Variants in DPP10 observed in about 807,000 individuals in gnomAD.
The protein encoded by DPP10 is dipeptidyl peptidase like 10.
A neutral mutation model predicts 120.9 loss-of-function variants in DPP10; 33 were observed. The ratio of observed to expected loss-of-function variants is 0.27; its 90% CI spans 0.21 to 0.37. The LOEUF (loss-of-function observed/expected upper bound fraction) is 0.37, where lower values mean the gene tolerates loss of function less well. Ranked by LOEUF, DPP10 falls within the 10% of genes least tolerant of loss-of-function variation. DPP10 has a pLI of 1.00. For synonymous variants in DPP10, 337 were observed against 326.1 expected (o/e 1.03, Z -0.36); for missense variants, 816 against 942.8 (o/e 0.87, Z 1.76).
intron 1 of DPP10, among the ~76,000 whole-genome samples, chr2:115,098,932 T>G (rs1369601328): frequency 6.6e-6 from 1 of 152,108 alleles, no homozygotes; most frequent in African/African-American, 2.4e-5. Flanking sequence ...CCTTACCTGT[T>G]TCTCTTGTCC....
intron 1 of DPP10, among the ~76,000 whole-genome samples, chr2:115,176,288 ATATT>A (rs1412868346): frequency 2.0e-5 from 3 of 147,780 alleles, no homozygotes; most frequent in East Asian, 1.9e-4. Context: ...AAATTTAAAT[ATATT>A]TATATATAAA....
chr2:115,045,161 A>G (rs1456111049), intron 1 of DPP10, among the ~76,000 whole-genome samples: 1 of 152,182 alleles, frequency 6.6e-6, no homozygotes, highest in African/African-American at 2.4e-5. Context: ...ATTATATAGT[A>G]GTTCTATTTT....
intron 1 of DPP10, among the ~76,000 whole-genome samples, chr2:114,461,425 A>C (rs1346102424): frequency 6.6e-6 from 1 of 152,120 alleles, no homozygotes; most frequent in Non-Finnish European, 1.5e-5. Flanking sequence ...ACCAGGAGAG[A>C]ACAATTTTGT....
chr2:114,529,231 T>A (rs1418119952), intron 1 of DPP10, among the ~76,000 whole-genome samples: 1 of 152,174 alleles, frequency 6.6e-6, no homozygotes, highest in Non-Finnish European at 1.5e-5. Flanking sequence ...CATATCTGTG[T>A]TAGTGACTCC....
intron 1 of DPP10, among the ~76,000 whole-genome samples, chr2:114,667,009 A>G (rs1697974881): frequency 6.6e-6 from 1 of 152,180 alleles, no homozygotes; most frequent in African/African-American, 2.4e-5. Context: ...AGTAATTGGT[A>G]ATTTCTTTAC....
chr2:115,589,066 CTTGACCAGTGT>C, intron 5 of DPP10, among the ~76,000 whole-genome samples: 1 of 152,252 alleles, frequency 6.6e-6, no homozygotes, highest in East Asian at 1.9e-4. Context: ...CATTCATTCA[CTTGACCAGTGT>C]TCGTTTTATG....
chr2:114,926,602 C>T (rs1181126177), intron 1 of DPP10, among the ~76,000 whole-genome samples: 1 of 152,158 alleles, frequency 6.6e-6, no homozygotes, highest in Non-Finnish European at 1.5e-5. Context: ...TCCCATACTA[C>T]AAAAGAGTGA....
At chr2:115,591,520 G>A (rs551017030) in intron 5 of DPP10, among the ~76,000 whole-genome samples, 16 of 152,266 alleles carry the variant, frequency 1.1e-4, no homozygotes, top group Non-Finnish European at 2.2e-4. Context: ...CTATATCTCT[G>A]TTTTGGTACC....
intron 1 of DPP10, among the ~76,000 whole-genome samples, chr2:114,465,546 G>T (rs1248372158): frequency 6.6e-6 from 1 of 151,950 alleles, no homozygotes; most frequent in Non-Finnish European, 1.5e-5. Context: ...AACAGGTTAG[G>T]GTAGCACATG....
At chr2:115,634,147 G>T (rs2086127277) in intron 5 of DPP10, among the ~76,000 whole-genome samples, 1 of 152,066 alleles carries the variant, frequency 6.6e-6, no homozygotes, top group African/African-American at 2.4e-5. Context: ...GGTCATTTAT[G>T]TTCCTCTCTA....
intron 5 of DPP10, among the ~76,000 whole-genome samples, chr2:115,617,772 C>T (rs1575349519): frequency 1.3e-5 from 2 of 152,134 alleles, no homozygotes; most frequent in Non-Finnish European, 2.9e-5. Context: ...CAGAATGTAC[C>T]CCCATCATTA....
At chr2:115,678,332 G>A (rs1338148058) in intron 5 of DPP10, among the ~76,000 whole-genome samples, 1 of 152,226 alleles carries the variant, frequency 6.6e-6, no homozygotes, top group African/African-American at 2.4e-5. Flanking sequence ...GCTGTGTGCA[G>A]CCTTGGGACT....
chr2:114,893,116 C>T (rs1692677572), intron 1 of DPP10, among the ~76,000 whole-genome samples: 1 of 152,154 alleles, frequency 6.6e-6, no homozygotes, highest in South Asian at 2.1e-4. Context: ...ATAAATGTCT[C>T]AAGACTCCAA....
At chr2:115,596,436 A>G (rs1000895171) in intron 5 of DPP10, among the ~76,000 whole-genome samples, 2 of 152,062 alleles carry the variant, frequency 1.3e-5, no homozygotes, top group Non-Finnish European at 2.9e-5. Context: ...GCTCTTTTAC[A>G]TATTTTAGTA....
intron 1 of DPP10, among the ~76,000 whole-genome samples, chr2:114,782,353 T>C (rs1682409129): frequency 6.6e-6 from 1 of 151,822 alleles, no homozygotes; most frequent in Admixed American, 6.6e-5. Flanking sequence ...ATATGGAATA[T>C]ATATACACAT....
intron 9 of DPP10, among the ~76,000 whole-genome samples, 192 bp from the exon 10 acceptor site, chr2:115,745,894 G>C (rs148744043): frequency 1.3e-5 from 2 of 152,140 alleles, no homozygotes; most frequent in Admixed American, 6.5e-5. Context: ...GAAAATGATT[G>C]AGAAGCAGCA....
chr2:115,757,565 CG>C (rs1326162047), intron 11 of DPP10, among the ~76,000 whole-genome samples: 1 of 152,008 alleles, frequency 6.6e-6, no homozygotes, highest in East Asian at 1.9e-4. Context: ...CACCTTCCAC[CG>C]GGCTTCTCCC....
chr2:115,400,244 C>A (rs2067972026), intron 3 of DPP10, among the ~76,000 whole-genome samples: 1 of 152,222 alleles, frequency 6.6e-6, no homozygotes, highest in African/African-American at 2.4e-5. Flanking sequence ...AGATCCAAAC[C>A]ATGTCATGGC....
At chr2:115,482,155 T>A (rs1278049165) in intron 3 of DPP10, among the ~76,000 whole-genome samples, 3 of 152,106 alleles carry the variant, frequency 2.0e-5, no homozygotes, top group South Asian at 2.1e-4. Context: ...GTCATCACTA[T>A]TTTTTCATAT....
Sources: gnomAD v4.1 joint callset for allele counts (sites outside exome capture counted in the v4.1 genomes callset) on GRCh38, gnomAD v4.1.1 for gene constraint, MANE v1.5 for transcripts, NCBI Gene and HGNC (gene_info 2026-07-23, HGNC 2026-07-21) for gene names.